The following CADM1 variants were observed in gnomAD, a reference collection of about 807,000 sequenced individuals.
CADM1 encodes TSLC-1.
Under a neutral mutation model 53.1 loss-of-function variants are expected in CADM1, and 15 were observed. The observed-to-expected ratio is 0.28, with a 90% CI of 0.19 to 0.44. CADM1 has a LOEUF of 0.44. Among genes scored for constraint, CADM1 ranks in the 20% least tolerant of loss-of-function variants. CADM1 has a pLI of 1.00. For missense variants in CADM1, 434 were observed against 611.3 expected (o/e 0.71, Z 3.06); for synonymous variants, 281 against 243.0 (o/e 1.16, Z -1.45).
intron 3 of CADM1, among the ~76,000 whole-genome samples, chr11:115,234,035 G>T (rs1941923171): frequency 6.6e-6 from 1 of 152,204 alleles, no homozygotes; most frequent in Non-Finnish European, 1.5e-5. Flanking sequence ...GTTGTTAAAA[G>T]ACTCCTCTAT....
chr11:115,215,108 C>G (rs898844645), intron 6 of CADM1, among the ~76,000 whole-genome samples: 1 of 152,190 alleles, frequency 6.6e-6, no homozygotes, highest in African/African-American at 2.4e-5. Flanking sequence ...ACAGACCTCA[C>G]CCATTGTTAA....
At chr11:115,499,661 A>G (rs960111481) in intron 1 of CADM1, among the ~76,000 whole-genome samples, 1 of 152,242 alleles carries the variant, frequency 6.6e-6, no homozygotes, top group African/African-American at 2.4e-5. Flanking sequence ...CCTATCCAGG[A>G]TCTGTCGTTA....
At chr11:115,218,046 A>T in intron 5 of CADM1, 55 bp from the exon 6 acceptor site, 1 of 1,293,652 alleles carries the variant, frequency 7.7e-7, no homozygotes, top group African/African-American at 1.5e-5. Context: ...ATCAGGCAAA[A>T]TCAGACTCAC....
Position 115,428,762 on chromosome 11 carries a change from A to C in CADM1, c.124+75509T>G, listed in dbSNP as rs577516643. Among the ~76,000 whole-genome samples the C allele has an allele frequency of 9.5e-5, 12 of 126,500 alleles. No individual in the cohort carries two copies. In the South Asian group the frequency reaches 3.5e-3, roughly 37 times the overall value. 83.0% of individuals were successfully genotyped at this position (126,500 alleles called of 152,430 possible). A position where few individuals can be genotyped will look rare whatever the true frequency, so the allele number is the denominator to read the frequency against. On this transcript the variant is annotated intron_variant, in intron 1 of 11. Transcript: ENST00000331581. ...TAAAGCTTAGCTATAGAGAAAAAAA[A>C]CTAGCAGTGTGTGTGTGCGTGTGTG...
intron 1 of CADM1, among the ~76,000 whole-genome samples, chr11:115,299,531 ATCATGG>A (rs1469260089): frequency 6.6e-6 from 1 of 152,160 alleles, no homozygotes; most frequent in African/African-American, 2.4e-5. Flanking sequence ...ACCAATACGC[ATCATGG>A]TGGAAAGATG....
intron 1 of CADM1, among the ~76,000 whole-genome samples, chr11:115,264,661 C>CT: frequency 6.6e-6 from 1 of 152,228 alleles, no homozygotes; most frequent in Non-Finnish European, 1.5e-5. Context: ...CTTGTATAAG[C>CT]TTTGTGACCT....
At chr11:115,419,890 C>G (rs777369257) in intron 1 of CADM1, among the ~76,000 whole-genome samples, 8 of 152,112 alleles carry the variant, frequency 5.3e-5, no homozygotes, top group Non-Finnish European at 1.0e-4. Flanking sequence ...TTGACTGTGC[C>G]CAAGCTCTGA....
chr11:115,450,176 G>C (rs1948541063), intron 1 of CADM1, among the ~76,000 whole-genome samples: 1 of 152,134 alleles, frequency 6.6e-6, no homozygotes, highest in South Asian at 2.1e-4. Flanking sequence ...CCTTAAGGAG[G>C]GGTGTGACAG....
Position 115,181,807 on chromosome 11 carries a change from G to A in CADM1, c.1166-3032C>T, listed in dbSNP as rs561480012. On this transcript the variant is annotated intron_variant, in intron 10 of 11. Transcript: ENST00000331581. ...TTATAATGCCATGGATTGGCTCAAG[G>A]CAGCAGGGCCGGGGTGAGCTGCCTG... Among the ~76,000 whole-genome samples the A allele has an allele frequency of 3.0e-4, 45 of 152,314 alleles. No homozygotes were observed. The East Asian group carries it at 8.7e-3, about 29-fold the overall frequency.
chr11:115,489,322 A>T (rs1378208792), intron 1 of CADM1, among the ~76,000 whole-genome samples: 1 of 152,226 alleles, frequency 6.6e-6, no homozygotes, highest in African/African-American at 2.4e-5. Flanking sequence ...TTCAACTAAG[A>T]ATTATAGCCC....
intron 1 of CADM1, among the ~76,000 whole-genome samples, chr11:115,308,227 G>T (rs1348692841): frequency 1.1e-5 from 1 of 93,442 alleles, no homozygotes; most frequent in Non-Finnish European, 2.1e-5. Context: ...CCTATGAGAA[G>T]GTTTTTGTCC....
chr11:115,291,980 A>G (rs1943917098), intron 1 of CADM1, among the ~76,000 whole-genome samples: 1 of 152,230 alleles, frequency 6.6e-6, no homozygotes, highest in Non-Finnish European at 1.5e-5. Context: ...GCATGACATT[A>G]GGAAGTAATT....
intron 1 of CADM1, among the ~76,000 whole-genome samples, chr11:115,343,309 A>G (rs1945496027): frequency 6.6e-6 from 1 of 152,156 alleles, no homozygotes; most frequent in South Asian, 2.1e-4. Flanking sequence ...TGTGCCAAAG[A>G]CTGTTCTAAG....
At chr11:115,315,893 G>C (rs980433979) in intron 1 of CADM1, among the ~76,000 whole-genome samples, 7 of 152,106 alleles carry the variant, frequency 4.6e-5, no homozygotes, top group African/African-American at 1.7e-4. Flanking sequence ...GCTAAAAAGG[G>C]AATAAGTCAT....
chr11:115,192,506 G>A (rs778545719), intron 9 of CADM1, among the ~76,000 whole-genome samples: 9 of 152,196 alleles, frequency 5.9e-5, no homozygotes, highest in African/African-American at 1.7e-4. Context: ...TATAAAGACT[G>A]ATGAATACAA....
chr11:115,224,042 T>C (rs1941507906), intron 5 of CADM1, among the ~76,000 whole-genome samples: 1 of 149,734 alleles, frequency 6.7e-6, no homozygotes, highest in Non-Finnish European at 1.5e-5. Flanking sequence ...CGCCAGCTAT[T>C]ATGCTCTGAA....
At chr11:115,389,671 A>G (rs1237753959) in intron 1 of CADM1, among the ~76,000 whole-genome samples, 1 of 152,178 alleles carries the variant, frequency 6.6e-6, no homozygotes, top group African/African-American at 2.4e-5. Context: ...AAACAGGCAG[A>G]TAAAAGGAAA....
intron 1 of CADM1, among the ~76,000 whole-genome samples, chr11:115,431,857 C>T (rs1948060363): frequency 6.6e-6 from 1 of 151,948 alleles, no homozygotes; most frequent in African/African-American, 2.4e-5. Context: ...TCCTCCATGA[C>T]ACTTGTATCA....
chr11:115,251,373 A>G (rs1043505715), intron 1 of CADM1, among the ~76,000 whole-genome samples: 4 of 152,326 alleles, frequency 2.6e-5, no homozygotes, highest in East Asian at 3.9e-4. Context: ...GCAAGTAAGG[A>G]TATCAGTTGG....
Sources: gnomAD v4.1 joint callset for allele counts (sites outside exome capture counted in the v4.1 genomes callset) on GRCh38, gnomAD v4.1.1 for gene constraint, MANE v1.5 for transcripts, NCBI Gene and HGNC (gene_info 2026-07-23, HGNC 2026-07-21) for gene names.